NCAM2: variants seen among roughly 807,000 people sequenced by gnomAD.
The protein encoded by NCAM2 is N-CAM-2.
NCAM2 carries 30 observed loss-of-function variants against 98.1 expected under a neutral mutation model. The observed-to-expected ratio is 0.31, with a 90% confidence interval of 0.23 to 0.41. The LOEUF is 0.41. NCAM2 is among the 10% of genes least tolerant of loss of function. NCAM2 has a pLI of 1.00. For synonymous variants in NCAM2, 368 were observed against 342.4 expected (o/e 1.07, Z -0.83); for missense variants, 867 against 1,005.8 (o/e 0.86, Z 1.87).
chr21:21,236,607 A>G (rs1489200680), intron 1 of NCAM2, among the ~76,000 whole-genome samples: 1 of 152,128 alleles, frequency 6.6e-6, no homozygotes, highest in Non-Finnish European at 1.5e-5. Context: ...TTCATTGCAT[A>G]ATAGTCTCCA....
At chr21:21,442,003 G>A (rs897743061) in intron 12 of NCAM2, among the ~76,000 whole-genome samples, 3 of 152,150 alleles carry the variant, frequency 2.0e-5, no homozygotes, top group Non-Finnish European at 4.4e-5. Context: ...ATGAAATCTA[G>A]ACTTCATTTT....
At chr21:21,274,794 T>A (rs1250598697) in intron 1 of NCAM2, among the ~76,000 whole-genome samples, 2 of 152,156 alleles carry the variant, frequency 1.3e-5, no homozygotes, top group African/African-American at 4.8e-5. Flanking sequence ...GTGTCTTAAG[T>A]TATCTCCACA....
At chr21:21,010,205 T>C (rs2064183255) in intron 1 of NCAM2, among the ~76,000 whole-genome samples, 1 of 152,072 alleles carries the variant, frequency 6.6e-6, no homozygotes, top group Admixed American at 6.6e-5. Flanking sequence ...AGATGAGTTA[T>C]TTTATTTCAA....
intron 3 of NCAM2, among the ~76,000 whole-genome samples, chr21:21,285,374 G>GT (rs1236356203): frequency 6.6e-6 from 1 of 151,796 alleles, no homozygotes; most frequent in African/African-American, 2.4e-5. Context: ...AACGCAATTT[G>GT]TGGGCACATT....
intron 9 of NCAM2, among the ~76,000 whole-genome samples, chr21:21,404,463 A>G (rs2076695988): frequency 6.6e-6 from 1 of 152,110 alleles, no homozygotes; most frequent in African/African-American, 2.4e-5. Flanking sequence ...GTCTGCAGCC[A>G]GGGAAGATGT....
At chr21:21,273,271 A>G (rs2072599345) in intron 1 of NCAM2, among the ~76,000 whole-genome samples, 1 of 152,170 alleles carries the variant, frequency 6.6e-6, no homozygotes, top group Non-Finnish European at 1.5e-5. Context: ...TATTGTGGGT[A>G]TGCATAGTAA....
chr21:21,291,052 G>GA (rs5842910), intron 4 of NCAM2, among the ~76,000 whole-genome samples: 151,912 of 151,912 alleles, frequency 1, 75,956 homozygotes, highest in Non-Finnish European at 1. Context: ...CAGGCCCAAA[G>GA]GTAAACAATA....
chr21:21,092,837 T>C (rs902837114), intron 1 of NCAM2, among the ~76,000 whole-genome samples: 3 of 151,890 alleles, frequency 2.0e-5, no homozygotes, highest in African/African-American at 7.2e-5. Flanking sequence ...TATATCTCTT[T>C]TATAAATATT....
At chr21:21,452,928 A>G (rs1251538236) in intron 12 of NCAM2, among the ~76,000 whole-genome samples, 1 of 97,814 alleles carries the variant, frequency 1.0e-5, no homozygotes, top group Non-Finnish European at 1.8e-5. Flanking sequence ...TATATTATAT[A>G]ATATATATAA....
At chr21:21,323,999 C>A (rs2074444252) in intron 5 of NCAM2, among the ~76,000 whole-genome samples, 1 of 152,050 alleles carries the variant, frequency 6.6e-6, no homozygotes, top group South Asian at 2.1e-4. Context: ...TTGTCTTTTT[C>A]TGAGACATAA....
chr21:21,297,605 T>A (rs1408437926), intron 5 of NCAM2, among the ~76,000 whole-genome samples: 1 of 151,774 alleles, frequency 6.6e-6, no homozygotes, highest in African/African-American at 2.4e-5. Flanking sequence ...TACACAAACA[T>A]GCCCACTTAC....
intron 1 of NCAM2, among the ~76,000 whole-genome samples, chr21:21,268,389 G>T (rs1382934006): frequency 6.6e-6 from 1 of 152,138 alleles, no homozygotes. Flanking sequence ...ACATGACACT[G>T]CTTCTCTTTT....
rs142001324 is a variant in NCAM2, at chr21:21,131,921, G to C, written c.55+133303G>C. 8.6e-3 allele frequency among the ~76,000 whole-genome samples: 1,312 copies of C among 152,158 alleles called. 9 individuals carry two copies. The highest frequency in any genetic ancestry group is 0.013 in the Non-Finnish European group (918 of 68,002). ...TAGCTAAGTGGCTTAATTTCCTATT[G>C]ATATTGTAACAAATTGTCACAAAGC... On this transcript the variant is annotated intron_variant, in intron 1 of 17. Coordinates refer to ENST00000400546, the MANE Select transcript of NCAM2 (RefSeq NM_004540.5).
intron 12 of NCAM2, among the ~76,000 whole-genome samples, chr21:21,451,283 T>G (rs888374596): frequency 6.6e-6 from 1 of 152,150 alleles, no homozygotes; most frequent in African/African-American, 2.4e-5. Flanking sequence ...ATCTATAAAT[T>G]ATCAACATGT....
intron 13 of NCAM2, 57 bp from the exon 14 acceptor site, chr21:21,468,605 G>A (rs1984027947): frequency 6.7e-7 from 1 of 1,503,414 alleles, no homozygotes; most frequent in Non-Finnish European, 9.0e-7. Flanking sequence ...TTAAAATATA[G>A]TTTATCTAGG....
At chr21:21,388,986 A>G (rs578171212) in intron 9 of NCAM2, among the ~76,000 whole-genome samples, 1 of 152,334 alleles carries the variant, frequency 6.6e-6, no homozygotes, top group Admixed American at 6.5e-5. Context: ...GCTACATTCT[A>G]ATGCAAGCAA....
chr21:21,519,532 A>G (rs1023613954), intron 16 of NCAM2, among the ~76,000 whole-genome samples: 2 of 152,068 alleles, frequency 1.3e-5, no homozygotes, highest in Non-Finnish European at 2.9e-5. Flanking sequence ...AACCAGGTGT[A>G]TGCAGTTGTG....
At chr21:21,181,491 G>A (rs958440599) in intron 1 of NCAM2, among the ~76,000 whole-genome samples, 2 of 152,048 alleles carry the variant, frequency 1.3e-5, no homozygotes, top group African/African-American at 4.8e-5. Flanking sequence ...CATGCTTGTC[G>A]TGTGCGTTGT....
At chr21:21,455,027 T>C (rs897226402) in intron 12 of NCAM2, among the ~76,000 whole-genome samples, 2 of 151,874 alleles carry the variant, frequency 1.3e-5, no homozygotes, top group African/African-American at 4.8e-5. Context: ...TTAGGATTAC[T>C]AATTTATTCT....
Sources: allele counts gnomAD v4.1 joint callset (sites outside exome capture counted in the v4.1 genomes callset), GRCh38; gene constraint gnomAD v4.1.1; transcripts MANE v1.5; gene names NCBI Gene and HGNC (gene_info 2026-07-23, HGNC 2026-07-21).